Variants in SUGCT observed in about 807,000 individuals in gnomAD.
SUGCT encodes the protein succinyl-CoA:glutarate CoA-transferase.
In SUGCT, 41 loss-of-function variants were observed where a neutral mutation model predicts 55.0. The ratio of observed to expected loss-of-function variants is 0.74; its 90% CI spans 0.58 to 0.97. The LOEUF is 0.97. Among genes scored for constraint, SUGCT ranks in the 50% least tolerant of loss-of-function variants. The pLI is 0.00. For synonymous variants in SUGCT, 187 were observed against 200.4 expected (o/e 0.93, Z 0.56); for missense variants, 568 against 547.8 (o/e 1.04, Z -0.37).
At chr7:40,531,460 A>G (rs1411636681) in intron 12 of SUGCT, among the ~76,000 whole-genome samples, 1 of 151,352 alleles carries the variant, frequency 6.6e-6, no homozygotes, top group Non-Finnish European at 1.5e-5. Flanking sequence ...ATTTCTATCT[A>G]TAGTATCAGT....
At chr7:40,374,238 A>G (rs371793547) in intron 9 of SUGCT, among the ~76,000 whole-genome samples, 41 of 152,138 alleles carry the variant, frequency 2.7e-4, no homozygotes, top group Non-Finnish European at 5.0e-4. Context: ...AAAATCCACA[A>G]TTACAGTTTG....
chr7:40,912,930 C>T, the SUGCT span, among the ~76,000 whole-genome samples: 4 of 151,882 alleles, frequency 2.6e-5, no homozygotes, highest in Admixed American at 1.3e-4. Context: ...GAGAATATAC[C>T]CCTGATCTGA....
intron 13 of SUGCT, among the ~76,000 whole-genome samples, chr7:40,801,811 C>T (rs1410683736): frequency 6.6e-6 from 1 of 151,928 alleles, no homozygotes; most frequent in Admixed American, 6.6e-5. Context: ...TATGGTTTAT[C>T]ACATGTGCTC....
chr7:40,389,469 A>ACAAACAAACAAACAAACAAACAAACAAG (rs10660450), intron 9 of SUGCT, among the ~76,000 whole-genome samples: 2 of 148,398 alleles, frequency 1.3e-5, no homozygotes, highest in Admixed American at 6.7e-5. Context: ...AAACAAACAA[A>ACAAACAAACAAACAAACAAACAAACAAG]CAAGCAAAAA....
At chr7:40,885,030 T>C in the SUGCT span, among the ~76,000 whole-genome samples, 1 of 152,132 alleles carries the variant, frequency 6.6e-6, no homozygotes, top group Non-Finnish European at 1.5e-5. Context: ...ATTCCTGTTA[T>C]ATGCATTAAT....
chr7:41,021,844 A>C, the SUGCT span, among the ~76,000 whole-genome samples: 1 of 152,168 alleles, frequency 6.6e-6, no homozygotes, highest in Non-Finnish European at 1.5e-5. Flanking sequence ...TGCATTAAAC[A>C]TAGTAGGAGA....
At chr7:40,703,486 C>G (rs2128664544) in intron 12 of SUGCT, among the ~76,000 whole-genome samples, 1 of 152,226 alleles carries the variant, frequency 6.6e-6, no homozygotes, top group East Asian at 1.9e-4. Flanking sequence ...ACTCAAACTT[C>G]TTTGGAGACT....
At chr7:41,025,987 T>G in the SUGCT span, among the ~76,000 whole-genome samples, 20 of 152,286 alleles carry the variant, frequency 1.3e-4, no homozygotes, top group African/African-American at 4.6e-4. Flanking sequence ...AGGAGAGGCC[T>G]TGGAGGCCAG....
chr7:40,728,003 A>G (rs1786697717), intron 12 of SUGCT, among the ~76,000 whole-genome samples: 1 of 152,164 alleles, frequency 6.6e-6, no homozygotes, highest in African/African-American at 2.4e-5. Flanking sequence ...TAGATACTAC[A>G]AGTATTCTGA....
At chr7:40,220,275 A>G (rs1787949672) in intron 6 of SUGCT, among the ~76,000 whole-genome samples, 1 of 152,202 alleles carries the variant, frequency 6.6e-6, no homozygotes, top group Non-Finnish European at 1.5e-5. Flanking sequence ...AGTAGGAACT[A>G]CTTTTGCTGC....
chr7:40,845,229 C>A (rs978670433), intron 13 of SUGCT, among the ~76,000 whole-genome samples: 2 of 152,162 alleles, frequency 1.3e-5, no homozygotes, highest in East Asian at 1.9e-4. Context: ...AGAAGCAGAT[C>A]AAATGTTATA....
chr7:40,390,239 G>C (rs150755922), intron 9 of SUGCT, among the ~76,000 whole-genome samples: 4 of 152,114 alleles, frequency 2.6e-5, no homozygotes, highest in Admixed American at 2.0e-4. Flanking sequence ...CAGGGATGCC[G>C]TCTCTCACCA....
intron 13 of SUGCT, among the ~76,000 whole-genome samples, chr7:40,849,355 A>G (rs1793737068): frequency 6.6e-6 from 1 of 152,132 alleles, no homozygotes; most frequent in African/African-American, 2.4e-5. Context: ...TTTAACCCTT[A>G]GTGCTGATCA....
intron 9 of SUGCT, among the ~76,000 whole-genome samples, chr7:40,359,226 CAG>C (rs1192247026): frequency 3.9e-5 from 6 of 152,032 alleles, no homozygotes; most frequent in South Asian, 2.1e-4. Flanking sequence ...ATTTTTGAGA[CAG>C]AGTTTTGCTC....
intron 7 of SUGCT, among the ~76,000 whole-genome samples, chr7:40,245,442 T>TTTTA (rs1562607603): frequency 4.4e-5 from 3 of 68,502 alleles, no homozygotes; most frequent in Non-Finnish European, 8.2e-5. Flanking sequence ...TTTTTTTTTT[T>TTTTA]TTTTTTTTTT....
intron 9 of SUGCT, among the ~76,000 whole-genome samples, chr7:40,371,945 A>C (rs930275667): frequency 5.4e-5 from 8 of 147,792 alleles, no homozygotes; most frequent in African/African-American, 2.0e-4. Context: ...ATACATCTCG[A>C]ACACACACAC....
intron 12 of SUGCT, among the ~76,000 whole-genome samples, chr7:40,661,494 T>A (rs1801298341): frequency 6.6e-6 from 1 of 152,226 alleles, no homozygotes; most frequent in African/African-American, 2.4e-5. Flanking sequence ...TTCTTTCAAG[T>A]GCCACCCCAT....
At chr7:40,354,385 G>A (rs1045768925) in intron 9 of SUGCT, among the ~76,000 whole-genome samples, 2 of 152,156 alleles carry the variant, frequency 1.3e-5, no homozygotes, top group Non-Finnish European at 2.9e-5. Flanking sequence ...GGGACAAGAA[G>A]GAAATGTACT....
intron 1 of SUGCT, among the ~76,000 whole-genome samples, chr7:40,180,356 G>C (rs1276434869): frequency 6.6e-6 from 1 of 152,004 alleles, no homozygotes; most frequent in Non-Finnish European, 1.5e-5. Context: ...GACCTCAAGT[G>C]ATCCACCCGC....
Sources: allele counts gnomAD v4.1 joint callset (sites outside exome capture counted in the v4.1 genomes callset), GRCh38; gene constraint gnomAD v4.1.1; transcripts MANE v1.5; gene names NCBI Gene and HGNC (gene_info 2026-07-23, HGNC 2026-07-21).